AGAP9: variants seen among roughly 807,000 people sequenced by gnomAD.
The protein encoded by AGAP9 is ArfGAP with GTPase domain, ankyrin repeat and PH domain 9.
Under a neutral mutation model 55.6 loss-of-function variants are expected in AGAP9, and 23 were observed. The observed-to-expected ratio is 0.41, with a 90% CI of 0.30 to 0.59. The LOEUF (loss-of-function observed/expected upper bound fraction) is 0.59, where lower values mean the gene tolerates loss of function less well. AGAP9 is among the 20% of genes least tolerant of loss of function. The probability of loss-of-function intolerance (pLI) is 0.25; values close to 1 mark genes in which losing one functional copy is unlikely to be tolerated. For synonymous variants in AGAP9, 120 were observed against 305.0 expected, an observed-to-expected ratio of 0.39 and a Z score of 6.32; for missense variants, 309 against 808.1, an observed-to-expected ratio of 0.38 and a Z score of 7.49.
intron 4 of AGAP9, among the ~76,000 whole-genome samples, chr10:47,511,178 C>G (rs1219575367): frequency 7.4e-6 from 1 of 135,606 alleles, no homozygotes; most frequent in African/African-American, 3.0e-5. Context: ...CTCCTCACCT[C>G]GTGATCTGCC....
intron 6 of AGAP9, among the ~76,000 whole-genome samples, chr10:47,506,830 G>A (rs1361224712): frequency 3.6e-5 from 5 of 138,808 alleles, no homozygotes; most frequent in South Asian, 2.4e-4. Context: ...TAGTAGAGAC[G>A]GGGTTTCGCC....
At chr10:47,509,646 TGTGGAGCTG>T (rs1840558388) in intron 5 of AGAP9, among the ~76,000 whole-genome samples, 1 of 131,466 alleles carries the variant, frequency 7.6e-6, no homozygotes, top group East Asian at 3.9e-4. Context: ...GGACGGCCCC[TGTGGAGCTG>T]GTGGTGGTGT....
rs1443829650 is a variant in AGAP9 at position 47,502,231 on chromosome 10, C to T, written c.1898G>A (p.Arg633His). The T allele has an allele frequency of 3.7e-5, 58 of 1,580,882 alleles. 5 individuals are homozygous for T. Among genetic ancestry groups the T allele is most frequent in the East Asian group, 5.3e-5 (2 of 37,548 alleles). The change falls in exon 8 of 8, where the codon CGC (arginine) becomes CAC (histidine). Residue 633 changes from arginine (R) to histidine (H), a missense_variant. Physicochemically the swap from Arg to His is conservative, Grantham distance 29. Coordinates refer to ENST00000452145, the MANE Select transcript of AGAP9 (RefSeq NM_001190810.1). ...DGCTALHLACRKGNVVLEQLL... is the reference protein window; with the variant it reads ...DGCTALHLACHKGNVVLEQLL... Reference sequence around the variant, plus strand: ...CTGCTCCAGGACCACATTCCCCTTGCGGCAGGCCAGATGGAGTGCCGTGCA... The same window carrying T: ...CTGCTCCAGGACCACATTCCCCTTGTGGCAGGCCAGATGGAGTGCCGTGCA...
At chr10:47,505,598 C>T (rs1217683597) in intron 6 of AGAP9, among the ~76,000 whole-genome samples, 1 of 115,000 alleles carries the variant, frequency 8.7e-6, no homozygotes, top group Non-Finnish European at 1.8e-5. Context: ...AGCGCAGTGG[C>T]TCACGCCTGT....
At chr10:47,519,486 GA>G (rs1840781571) in intron 3 of AGAP9, among the ~76,000 whole-genome samples, 1 of 122,178 alleles carries the variant, frequency 8.2e-6, no homozygotes, top group African/African-American at 3.1e-5. Flanking sequence ...AAAAAAAAAA[GA>G]GTGTGGTACC....
chr10:47,513,502 A>G (rs1333423439), intron 4 of AGAP9, among the ~76,000 whole-genome samples: 2 of 142,226 alleles, frequency 1.4e-5, no homozygotes, highest in African/African-American at 5.1e-5. Context: ...CCATCAAAAT[A>G]CCACCATCCT....
rs1341766498 is a variant in AGAP9 at position 47,502,147 on chromosome 10, G to A, written c.*5C>T. On this transcript the variant is annotated 3_prime_UTR_variant, in exon 8 of 8. Transcript: ENST00000452145. Reference sequence around the variant, plus strand: ...ACTCCTGGCTGGAGGCCTGCCGGGCGTAGGTCAGCGCTGTGTTCCCGTGGG... The same window carrying A: ...ACTCCTGGCTGGAGGCCTGCCGGGCATAGGTCAGCGCTGTGTTCCCGTGGG... 84 of 1,569,564 alleles carry A rather than the reference G, an allele frequency of 5.4e-5. 14 individuals carry two copies. In the East Asian group the frequency reaches 6.0e-4, roughly 11 times the overall value.
chr10:47,511,766 ATC>A (rs1303385964), intron 4 of AGAP9, among the ~76,000 whole-genome samples: 1 of 44,468 alleles, frequency 2.2e-5, no homozygotes, highest in African/African-American at 8.3e-5. Flanking sequence ...ACCCTCTTGG[ATC>A]TCTTTGTCGG....
chr10:47,503,138 T>G lies in AGAP9; in HGVS notation c.991A>C (p.Ile331Leu). 1 of 1,610,504 alleles carries G rather than the reference T, an allele frequency of 6.2e-7. No individual in the cohort carries two copies. Among genetic ancestry groups the G allele is most frequent in the Non-Finnish European group, 8.5e-7 (1 of 1,179,408 alleles). Residue 331 changes from isoleucine (I) to leucine (L), a missense_variant, in exon 8 of 8, where the codon ATT becomes CTT. Coordinates refer to ENST00000452145, the MANE Select transcript of AGAP9 (RefSeq NM_001190810.1). ...DYMKNIHKKE[I>L]DLRTSTIKVP... ...TTGATGGTAGATGTCCGAAGGTCAA[T>G]CTCTTTTTTATGAATATTCTTCATA...
In AGAP9 at chr10:47,502,391, G is replaced by C; in HGVS notation, c.1738C>G (p.Leu580Val). 6.2e-7 allele frequency: 1 copy of C among 1,610,026 alleles called. No homozygotes were observed. Among genetic ancestry groups the C allele is most frequent in the South Asian group, 1.1e-5 (1 of 90,920 alleles). The change falls in exon 8 of 8, where the codon CTA becomes GTA. Residue 580 changes from leucine (L) to valine (V), a missense_variant. Coordinates refer to ENST00000452145, the MANE Select transcript of AGAP9 (RefSeq NM_001190810.1). ...KYEEKLFLAP[L>V]PCTELSLGQQ... is the part of the protein sequence containing the mutation. ...CCCAGGGACAGCTCAGTGCAGGGTA[G>C]TGGGGCCAGAAAGAGCTTCTCCTCA...
At chr10:47,522,080 C>T (rs1840858658) in intron 2 of AGAP9, among the ~76,000 whole-genome samples, 3 of 150,316 alleles carry the variant, frequency 2.0e-5, no homozygotes, top group Non-Finnish European at 2.9e-5. Flanking sequence ...AGCCACCAAG[C>T]CCAGCCAAAA....
Position 47,510,886 on chromosome 10 carries a change from T to C in AGAP9, c.397-615A>G, listed in dbSNP as rs1840602040. On this transcript the variant is annotated intron_variant, in intron 4 of 7. Coordinates refer to ENST00000452145, the MANE Select transcript of AGAP9 (RefSeq NM_001190810.1). ...TAAAATGAGATTTCATATTTTTTTC[T>C]ACAGCAATAAAAAGCAGCCAAGAAT... Among the ~76,000 whole-genome samples, 2 of 131,204 alleles carry C rather than the reference T, an allele frequency of 1.5e-5. 1 individual carries two copies. The highest frequency in any genetic ancestry group is 3.2e-5 in the Non-Finnish European group (2 of 62,738). 86.1% of individuals were successfully genotyped at this position (131,204 alleles called of 152,430 possible).
intron 4 of AGAP9, among the ~76,000 whole-genome samples, chr10:47,510,894 T>C (rs1378464363): frequency 7.8e-6 from 1 of 128,128 alleles, no homozygotes; most frequent in Non-Finnish European, 1.6e-5. Flanking sequence ...TCTACAGCAA[T>C]AAAAAGCAGC....
rs1231681358 is a variant in AGAP9 at position 47,512,787 on chromosome 10, TG to T, written c.397-2517del. On this transcript the variant is annotated intron_variant, in intron 4 of 7. Coordinates refer to ENST00000452145, the MANE Select transcript of AGAP9 (RefSeq NM_001190810.1). The stretch of plus-strand genomic sequence containing the variant: ...ACTTTTCCCCCTTTCAGTATTATGT[TG>T]GTTGTGGGTTTGTCATAGATGGCTT... 8.5e-3 allele frequency among the ~76,000 whole-genome samples: 447 copies of T among 52,872 alleles called. 6 individuals carry two copies. The highest frequency in any genetic ancestry group is 0.039 in the African/African-American group (406 of 10,536). The allele number at this position is 52,872 out of a possible 152,430, so 34.7% of individuals were successfully genotyped here. A position where few individuals can be genotyped will look rare whatever the true frequency, so the allele number is the denominator to read the frequency against.
rs1840800434 is a variant in AGAP9, at chr10:47,520,511, AG to A, written c.348del (p.Ser117LeufsTer6). The A allele has an allele frequency of 6.6e-7, 1 of 1,513,814 alleles. No individual in the cohort carries two copies. The highest frequency in any genetic ancestry group is 8.8e-7 in the Non-Finnish European group (1 of 1,139,548). 93.8% of individuals were successfully genotyped at this position (1,513,814 alleles called of 1,614,324 possible). On this transcript the variant is annotated frameshift_variant, in exon 3 of 8. Transcript: ENST00000452145. LOFTEE classifies it high-confidence loss of function. Reference sequence around the variant, plus strand: ...AATGTTGTCTCACCATCTGTTTGAGAGTTCCTCTGGAATATTGTGCTTGCCT... The same window carrying A: ...AATGTTGTCTCACCATCTGTTTGAGATTCCTCTGGAATATTGTGCTTGCCT... ...NPEASTIFQR[N>X]SQTDVVEIRR...
Position 47,502,458 on chromosome 10 carries a change from C to T in AGAP9, c.1671G>A (p.Lys557=). 6.2e-7 allele frequency: 1 copy of T among 1,612,754 alleles called. No homozygotes were observed. Among genetic ancestry groups the T allele is most frequent in the South Asian group, 1.1e-5 (1 of 91,026 alleles). ...SSQGQTKPSI[K]STREEKEWWI... ...ACCATTCCTTCTCTTCCCTCGTGGA[C>T]TTTATTGAGGGTTTTGTCTGCCCCT... The change falls in exon 8 of 8, where the codon AAG becomes AAA. Residue 557 remains lysine (K), a synonymous_variant. Coordinates refer to ENST00000452145, the MANE Select transcript of AGAP9 (RefSeq NM_001190810.1).
chr10:47,511,499 T>C (rs1840623649), intron 4 of AGAP9, among the ~76,000 whole-genome samples: 1 of 116,908 alleles, frequency 8.6e-6, no homozygotes, highest in African/African-American at 3.3e-5. Flanking sequence ...AAAAAGAGTA[T>C]CACTTAAATA....
In AGAP9 at chr10:47,511,156, G is replaced by C. The variant is rs1468436745; in HGVS notation, c.397-885C>G. 4.5e-5 allele frequency among the ~76,000 whole-genome samples: 6 copies of C among 134,304 alleles called. 2 individuals carry two copies. The East Asian group carries it at 1.8e-3, about 41-fold the overall frequency. 88.1% of individuals were successfully genotyped at this position (134,304 alleles called of 152,430 possible). ...GACGGGGTTTCACCGTGTTAGCCAG[G>C]ATGGTCTCGATCTCCTCACCTCGTG... On this transcript the variant is annotated intron_variant, in intron 4 of 7. Coordinates refer to ENST00000452145, the MANE Select transcript of AGAP9 (RefSeq NM_001190810.1).
Position 47,502,303 on chromosome 10 carries a change from T to C in AGAP9, c.1826A>G (p.His609Arg), listed in dbSNP as rs1421399627. 18 of 1,602,520 alleles carry C rather than the reference T, an allele frequency of 1.1e-5. No homozygotes were observed. Among genetic ancestry groups the C allele is most frequent in the African/African-American group, 5.5e-5 (4 of 72,908 alleles). Residue 609 changes from histidine to arginine, a missense_variant, in exon 8 of 8, where the codon CAT (histidine) becomes CGT (arginine). His to Arg is a conservative substitution (Grantham distance 29, BLOSUM62 0). Coordinates refer to ENST00000452145, the MANE Select transcript of AGAP9 (RefSeq NM_001190810.1). The part of the protein sequence containing the change: ...DLQTAILLLA[H>R]GSREEVNETC... ...CTCGTTCACCTCCTCACGGGAGCCATGTGCCAGCAGCAGGATGGCTGTCTG... is the reference window on the plus strand; with the variant it reads ...CTCGTTCACCTCCTCACGGGAGCCACGTGCCAGCAGCAGGATGGCTGTCTG...
Sources: gnomAD v4.1 joint callset for allele counts (sites outside exome capture counted in the v4.1 genomes callset) on GRCh38, gnomAD v4.1.1 for gene constraint, MANE v1.5 for transcripts, NCBI Gene and HGNC (gene_info 2026-07-23, HGNC 2026-07-21) for gene names.